The following EYS variants were observed in gnomAD, a reference collection of about 807,000 sequenced individuals.
The protein encoded by EYS is EGF-like photoreceptor maintenance factor, also known as protein eyes shut homolog.
EYS carries 250 observed loss-of-function variants against 282.1 expected under a neutral mutation model. That is an observed-to-expected ratio of 0.89 (90% CI 0.80 to 0.98). The LOEUF (loss-of-function observed/expected upper bound fraction) is 0.98. Ranked by LOEUF, EYS falls within the 50% of genes least tolerant of loss-of-function variation. The pLI is 0.00. For synonymous variants in EYS, 1,355 were observed against 1,282.9 expected, an observed-to-expected ratio of 1.06 and a Z score of -1.20; for missense variants, 4,016 against 3,709.0, an observed-to-expected ratio of 1.08 and a Z score of -2.15.
intron 31 of EYS, among the ~76,000 whole-genome samples, chr6:64,195,922 A>G (rs1283618422): frequency 6.6e-6 from 1 of 152,192 alleles, no homozygotes; most frequent in Non-Finnish European, 1.5e-5. Flanking sequence ...GAGCTTCTGC[A>G]CAGCAAAAGA....
chr6:65,485,020 G>A (rs991790638), intron 5 of EYS, among the ~76,000 whole-genome samples: 3 of 152,090 alleles, frequency 2.0e-5, no homozygotes, highest in African/African-American at 7.2e-5. Context: ...AGAAAAATTT[G>A]CCAGCCCTTG....
At chr6:64,729,571 C>G (rs577025679) in intron 22 of EYS, among the ~76,000 whole-genome samples, 1 of 152,038 alleles carries the variant, frequency 6.6e-6, no homozygotes, top group Non-Finnish European at 1.5e-5. Context: ...AGCCTAATTG[C>G]GCCAAATCTA....
intron 1 of EYS, among the ~76,000 whole-genome samples, chr6:65,678,670 C>A: frequency 6.6e-6 from 1 of 151,542 alleles, no homozygotes; most frequent in East Asian, 2.0e-4. Context: ...AAAAAGGCAA[C>A]CTGTAGAATA....
Position 64,912,663 on chromosome 6 carries a change from C to T in EYS, c.2462G>A (p.Gly821Glu). The T allele has an allele frequency of 6.5e-7, 1 of 1,547,288 alleles. No homozygotes were observed. Among genetic ancestry groups the T allele is most frequent in the South Asian group, 1.2e-5 (1 of 83,692 alleles). The change falls in exon 16 of 43, where the codon GGA becomes GAA. Residue 821 changes from glycine (G) to glutamate (E), a missense_variant. Physicochemically the swap from Gly to Glu is moderately conservative, Grantham distance 98 (BLOSUM62 -2). Transcript: ENST00000503581. ...GATGGTAGATTCATGACAAAGACCT[C>T]CATTCATGCATGGATCAGAGTCGCA... ...NECDSDPCMN[G>E]GLCHESTIPG...
intron 26 of EYS, among the ~76,000 whole-genome samples, chr6:64,473,085 C>A (rs1270278419): frequency 6.6e-6 from 1 of 152,104 alleles, no homozygotes; most frequent in Non-Finnish European, 1.5e-5. Context: ...AACTTATACT[C>A]ATTAGGCAAC....
At chr6:64,691,033 AAG>A (rs1204089643) in intron 22 of EYS, among the ~76,000 whole-genome samples, 3 of 152,030 alleles carry the variant, frequency 2.0e-5, no homozygotes, top group Non-Finnish European at 4.4e-5. Flanking sequence ...ATAATATTAA[AAG>A]AGGAAAATAT....
At chr6:64,642,281 T>C (rs1768183735) in intron 22 of EYS, among the ~76,000 whole-genome samples, 1 of 152,236 alleles carries the variant, frequency 6.6e-6, no homozygotes, top group African/African-American at 2.4e-5. Context: ...TTTATCTTTA[T>C]ATTTAACATT....
intron 24 of EYS, among the ~76,000 whole-genome samples, chr6:64,608,424 A>G (rs552722778): frequency 5.3e-5 from 8 of 152,186 alleles, no homozygotes; most frequent in Non-Finnish European, 7.4e-5. Context: ...CAATTTTAGT[A>G]ATTGCTATGA....
At chr6:65,588,045 G>T (rs983581573) in intron 2 of EYS, among the ~76,000 whole-genome samples, 3 of 152,006 alleles carry the variant, frequency 2.0e-5, no homozygotes, top group Admixed American at 6.6e-5. Flanking sequence ...ATAGTATTAA[G>T]ATTTACTATT....
Position 63,955,079 on chromosome 6 carries a change from T to G in EYS, c.7055+29304A>C, listed in dbSNP as rs548556355. Reference sequence around the variant, plus strand: ...CAGAAAACTAAAATATCTCTTGGTCTGGGTAGACACTTTCACTGAATGAGT... The same window carrying G: ...CAGAAAACTAAAATATCTCTTGGTCGGGGTAGACACTTTCACTGAATGAGT... On this transcript the variant is annotated intron_variant, in intron 35 of 42. Coordinates refer to ENST00000503581, the MANE Select transcript of EYS (RefSeq NM_001142800.2). 3.5e-3 allele frequency among the ~76,000 whole-genome samples: 527 copies of G among 152,306 alleles called. 2 individuals are homozygous for G. Among genetic ancestry groups the G allele is most frequent in the Middle Eastern group, 6.8e-3 (2 of 294 alleles).
At chr6:64,201,062 T>C (rs1447269699) in intron 31 of EYS, among the ~76,000 whole-genome samples, 1 of 152,176 alleles carries the variant, frequency 6.6e-6, no homozygotes, top group Non-Finnish European at 1.5e-5. Flanking sequence ...CAGCTTTTAA[T>C]CATATTATAT....
intron 26 of EYS, 28 bp downstream of exon 26, chr6:64,590,195 T>C (rs1385829294): frequency 6.7e-7 from 1 of 1,487,832 alleles, no homozygotes; most frequent in Non-Finnish European, 8.9e-7. Context: ...TTTCTAAAAG[T>C]TTACTGAACA....
At chr6:63,775,944 A>G (rs182294524) in intron 40 of EYS, among the ~76,000 whole-genome samples, 4 of 152,282 alleles carry the variant, frequency 2.6e-5, no homozygotes, top group South Asian at 4.1e-4. Flanking sequence ...GCTCTGTAGT[A>G]TATCTTCATA....
chr6:64,602,736 G>T (rs1766801287), intron 24 of EYS, among the ~76,000 whole-genome samples: 2 of 151,958 alleles, frequency 1.3e-5, no homozygotes, highest in Non-Finnish European at 2.9e-5. Flanking sequence ...CATGCATCAA[G>T]AAACATTTTC....
At chr6:63,816,579 A>G (rs1322549159) in intron 36 of EYS, among the ~76,000 whole-genome samples, 2 of 152,200 alleles carry the variant, frequency 1.3e-5, no homozygotes, top group African/African-American at 4.8e-5. Flanking sequence ...GTGAACAGCT[A>G]TTTCAGGATG....
intron 5 of EYS, among the ~76,000 whole-genome samples, chr6:65,468,494 T>G (rs1333974292): frequency 6.6e-6 from 1 of 152,074 alleles, no homozygotes; most frequent in Non-Finnish European, 1.5e-5. Context: ...TATTTATTTA[T>G]TTATTTAGTT....
intron 35 of EYS, among the ~76,000 whole-genome samples, chr6:63,963,118 G>A (rs1228420172): frequency 6.7e-6 from 1 of 149,706 alleles, no homozygotes; most frequent in Non-Finnish European, 1.5e-5. Context: ...GTGGGGTGGG[G>A]GGAAGGGGGA....
chr6:64,609,689 G>A (rs1045203733), intron 24 of EYS, among the ~76,000 whole-genome samples: 2 of 152,024 alleles, frequency 1.3e-5, no homozygotes, highest in African/African-American at 4.8e-5. Context: ...TTCCAGACAA[G>A]CCTGGCAACA....
intron 14 of EYS, among the ~76,000 whole-genome samples, chr6:64,962,469 G>A (rs1769953645): frequency 6.6e-6 from 1 of 151,866 alleles, no homozygotes. Flanking sequence ...GGTGGCTCAT[G>A]CCTGAAATCA....
Sources: allele counts gnomAD v4.1 joint callset (sites outside exome capture counted in the v4.1 genomes callset), GRCh38; gene constraint gnomAD v4.1.1; transcripts MANE v1.5; gene names NCBI Gene and HGNC (gene_info 2026-07-23, HGNC 2026-07-21).